Variants in BLTP1 observed in about 807,000 individuals in gnomAD.
BLTP1 encodes the protein fragile site-associated protein.
the BLTP1 span, chr4:122,333,692 A>G: frequency 1.2e-6 from 2 of 1,612,074 alleles, no homozygotes; most frequent in Non-Finnish European, 1.7e-6. Context: ...AGAAGTTTCA[A>G]ACTAATTATG....
chr4:122,287,547 T>C, the BLTP1 span: 1 of 985,142 alleles, frequency 1.0e-6, no homozygotes, highest in South Asian at 4.7e-5. Flanking sequence ...GTGTCTCAGC[T>C]TACCTTGTCA....
At chr4:122,198,024 G>C in the BLTP1 span, 2 of 984,914 alleles carry the variant, frequency 2.0e-6, no homozygotes, top group Non-Finnish European at 2.4e-6. Context: ...CTGTTGCTAA[G>C]TATAATTCAT....
At chr4:122,223,107 G>A in the BLTP1 span, 18 of 930,992 alleles carry the variant, frequency 1.9e-5, no homozygotes, top group Non-Finnish European at 2.1e-5. Context: ...GAAGTCAGGT[G>A]ATTTTATATA....
At chr4:122,346,390 G>GA in the BLTP1 span, 1 of 873,796 alleles carries the variant, frequency 1.1e-6, no homozygotes, top group African/African-American at 1.8e-5. Context: ...CTTCTCTGAG[G>GA]ATTTCATGAT....
the BLTP1 span, among the ~76,000 whole-genome samples, chr4:122,335,260 T>C: frequency 6.6e-6 from 1 of 152,012 alleles, no homozygotes; most frequent in Non-Finnish European, 1.5e-5. Context: ...GCATTATCTC[T>C]TATGGCTTAG....
At chr4:122,334,364 G>A in the BLTP1 span, 21 of 1,591,876 alleles carry the variant, frequency 1.3e-5, 1 homozygote, top group Admixed American at 2.0e-4. Context: ...ATTCCAAGAC[G>A]CTAAAGACTG....
At chr4:122,359,663 T>C in the BLTP1 span, 3 of 1,612,868 alleles carry the variant, frequency 1.9e-6, no homozygotes, top group South Asian at 1.1e-5. Flanking sequence ...GCATCACTTA[T>C]ACTACTGTGG....
chr4:122,309,599 C>A, the BLTP1 span: 2 of 875,368 alleles, frequency 2.3e-6, no homozygotes, highest in Non-Finnish European at 1.7e-6. Flanking sequence ...TTTCTAGTTA[C>A]AGGTAACAAA....
the BLTP1 span, among the ~76,000 whole-genome samples, chr4:122,294,099 G>C: frequency 1.3e-5 from 2 of 152,152 alleles, no homozygotes; most frequent in African/African-American, 4.8e-5. Context: ...TATACATACA[G>C]AACTCACAGA....
the BLTP1 span, chr4:122,162,437 A>C: frequency 3.6e-5 from 23 of 647,714 alleles, no homozygotes; most frequent in South Asian, 6.9e-5. Context: ...GGGATTAACC[A>C]GTGCACTGAG....
At chr4:122,255,340 C>A in the BLTP1 span, 2 of 1,205,730 alleles carry the variant, frequency 1.7e-6, no homozygotes, top group Non-Finnish European at 2.4e-6. Flanking sequence ...TGGTGGACCA[C>A]TGATACACAG....
chr4:122,267,051 A>ATTTTTGTTTTTTTTTTTTTTTTTTTTT, the BLTP1 span: 1 of 138,564 alleles, frequency 7.2e-6, no homozygotes, highest in African/African-American at 7.0e-5. Flanking sequence ...TAAGGAAGTA[A>ATTTTTGTTTTTTTTTTTTTTTTTTTTT]TTTTTTTTTT....
the BLTP1 span, chr4:122,161,052 T>C: frequency 3.6e-6 from 2 of 553,568 alleles, no homozygotes; most frequent in Non-Finnish European, 4.6e-6. Context: ...TGGTGCTATG[T>C]GCTAACAGGT....
At chr4:122,348,761 T>C in the BLTP1 span, 2 of 1,355,590 alleles carry the variant, frequency 1.5e-6, no homozygotes, top group Non-Finnish European at 2.0e-6. Context: ...ATCATTTTTG[T>C]AACTTTTCTT....
the BLTP1 span, chr4:122,172,008 T>TA: frequency 1.2e-6 from 1 of 829,968 alleles, no homozygotes; most frequent in Non-Finnish European, 1.5e-6. Context: ...ATAGTAAAAA[T>TA]TTATACAAAA....
At chr4:122,328,577 T>G in the BLTP1 span, 1 of 840,466 alleles carries the variant, frequency 1.2e-6, no homozygotes, top group Non-Finnish European at 1.4e-6. Flanking sequence ...TTTAAATTTT[T>G]TTTTCATGTC....
At chr4:122,238,421 A>G in the BLTP1 span, 1 of 1,323,234 alleles carries the variant, frequency 7.6e-7, no homozygotes, top group Non-Finnish European at 1.1e-6. Flanking sequence ...CTGGCAAGAA[A>G]AACTTCTTCC....
At chr4:122,221,088 G>A in the BLTP1 span, 8 of 977,420 alleles carry the variant, frequency 8.2e-6, no homozygotes, top group East Asian at 1.1e-4. Flanking sequence ...TAATCAAGTT[G>A]TGTGATTTAG....
the BLTP1 span, chr4:122,251,623 C>T: frequency 2.0e-6 from 2 of 984,244 alleles, no homozygotes; most frequent in African/African-American, 1.7e-5. Flanking sequence ...TTCTCCTTCA[C>T]CTACTAAAAT....
Sources: allele counts gnomAD v4.1 joint callset (sites outside exome capture counted in the v4.1 genomes callset), GRCh38; gene constraint gnomAD v4.1.1; transcripts MANE v1.5; gene names NCBI Gene and HGNC (gene_info 2026-07-23, HGNC 2026-07-21).